Variants in RNF152 observed in about 807,000 individuals in gnomAD.
The protein encoded by RNF152 is E3 ubiquitin-protein ligase RNF152.
RNF152 carries 11 observed loss-of-function variants against 12.7 expected under a neutral mutation model. The ratio of observed to expected loss-of-function variants is 0.86; its 90% confidence interval spans 0.54 to 1.43. RNF152 has a LOEUF of 1.43. RNF152 is among the 40% of genes most tolerant of loss of function. The pLI is 0.00. For missense variants in RNF152, 255 were observed against 274.8 expected, an observed-to-expected ratio of 0.93 and a Z score of 0.51; for synonymous variants, 113 against 120.3, an observed-to-expected ratio of 0.94 and a Z score of 0.40.
At chr18:61,824,965 A>G (rs1328867977) in intron 1 of RNF152, among the ~76,000 whole-genome samples, 2 of 152,228 alleles carry the variant, frequency 1.3e-5, no homozygotes, top group Non-Finnish European at 2.9e-5. Context: ...GCAGGCAGGT[A>G]GAGCAAATAA....
intron 1 of RNF152, among the ~76,000 whole-genome samples, chr18:61,859,782 G>A (rs749798221): frequency 6.6e-6 from 1 of 152,126 alleles, no homozygotes; most frequent in Non-Finnish European, 1.5e-5. Flanking sequence ...AGGAGGCTGA[G>A]GCAGAAGAAT....
In RNF152 at chr18:61,810,134, A is replaced by C. The variant is rs1368571674; in HGVS notation, c.*5718T>G. 2 of 152,250 alleles carry C rather than the reference A, an allele frequency of 1.3e-5. No homozygotes were observed. The highest frequency in any genetic ancestry group is 3.2e-3 in the Middle Eastern group (1 of 316). 9.4% of individuals were successfully genotyped at this position (152,250 alleles called of 1,614,324 possible). A position where few individuals can be genotyped will look rare whatever the true frequency, so the allele number is the denominator to read the frequency against. The stretch of plus-strand genomic sequence containing the variant: ...TATATAGACACTCCCAAAGGTAGTT[A>C]GTTTGACATAATGTATGCAGCCCAT... On this transcript the variant is annotated 3_prime_UTR_variant, in exon 2 of 2. Transcript: ENST00000312828.
intron 1 of RNF152, among the ~76,000 whole-genome samples, chr18:61,864,507 C>T (rs1911640221): frequency 1.3e-5 from 2 of 152,160 alleles, no homozygotes; most frequent in South Asian, 2.1e-4. Flanking sequence ...AAGTGTTCAC[C>T]GACCAGAACC....
chr18:61,835,209 A>G (rs1568270616), intron 1 of RNF152, among the ~76,000 whole-genome samples: 1 of 152,244 alleles, frequency 6.6e-6, no homozygotes. Context: ...ACAAAATAGC[A>G]TATTTACAAG....
In RNF152 at chr18:61,809,943, G is replaced by T. The variant is rs1912890042; in HGVS notation, c.*5909C>A. 6.6e-6 allele frequency: 1 copy of T among 151,742 alleles called. No individual in the cohort carries two copies. Among genetic ancestry groups the T allele is most frequent in the Non-Finnish European group, 1.5e-5 (1 of 67,978 alleles). The allele number at this position is 151,742 out of a possible 1,614,324, so 9.4% of individuals were successfully genotyped here. ...TGGGAACCAAATTGCAGGGATTCGG[G>T]AATAATGGTGCACTCGCCCTAACCA... On this transcript the variant is annotated 3_prime_UTR_variant, in exon 2 of 2. Transcript: ENST00000312828.
intron 1 of RNF152, among the ~76,000 whole-genome samples, chr18:61,869,850 G>A (rs1911904257): frequency 1.3e-5 from 2 of 152,124 alleles, no homozygotes; most frequent in Non-Finnish European, 2.9e-5. Context: ...ATGCATCCAT[G>A]AACTTGGCAC....
Position 61,810,146 on chromosome 18 carries a change from T to C in RNF152, c.*5706A>G, listed in dbSNP as rs1029493255. On this transcript the variant is annotated 3_prime_UTR_variant, in exon 2 of 2. Coordinates refer to ENST00000312828, the MANE Select transcript of RNF152 (RefSeq NM_173557.3). ...CCCAAAGGTAGTTAGTTTGACATAA[T>C]GTATGCAGCCCATAGCAACAGTTAA... 7 of 152,360 alleles carry C rather than the reference T, an allele frequency of 4.6e-5. No homozygotes were observed. The highest frequency in any genetic ancestry group is 1.7e-4 in the African/African-American group (7 of 41,592). The allele number at this position is 152,360 out of a possible 1,614,324, so 9.4% of individuals were successfully genotyped here.
chr18:61,854,824 G>A lies in RNF152; in HGVS notation c.-136+37971C>T, dbSNP rs558205459. Among the ~76,000 whole-genome samples, 13 of 152,190 alleles carry A rather than the reference G, an allele frequency of 8.5e-5. 2 individuals are homozygous for A. The South Asian group carries it at 2.5e-3, about 29-fold the overall frequency. The stretch of plus-strand genomic sequence containing the variant: ...AAGCTCGCTGCCAAGCTTATATTTC[G>A]CCTATGTCTGTGTTCAACCTGACGT... On this transcript the variant is annotated intron_variant, in intron 1 of 1. Transcript: ENST00000312828.
intron 1 of RNF152, among the ~76,000 whole-genome samples, chr18:61,817,142 G>A (rs540560121): frequency 6.6e-6 from 1 of 152,286 alleles, no homozygotes; most frequent in East Asian, 1.9e-4. Flanking sequence ...TCTTCACAGA[G>A]AAGTAAAGTG....
chr18:61,827,942 T>A (rs892659608), intron 1 of RNF152, among the ~76,000 whole-genome samples: 4 of 152,224 alleles, frequency 2.6e-5, no homozygotes, highest in African/African-American at 9.6e-5. Flanking sequence ...ACACCATCCA[T>A]CATTAATCCA....
intron 1 of RNF152, among the ~76,000 whole-genome samples, chr18:61,841,377 C>T (rs1397039129): frequency 1.3e-5 from 2 of 152,212 alleles, no homozygotes; most frequent in Non-Finnish European, 2.9e-5. Context: ...ATAGTCCCTT[C>T]TCCATTAATA....
At chr18:61,818,688 C>A (rs1226336444) in intron 1 of RNF152, among the ~76,000 whole-genome samples, 1 of 152,170 alleles carries the variant, frequency 6.6e-6, no homozygotes, top group Non-Finnish European at 1.5e-5. Context: ...AAGCTAAATA[C>A]TGTAGGATAT....
chr18:61,841,523 C>G (rs930439009), intron 1 of RNF152, among the ~76,000 whole-genome samples: 1 of 152,154 alleles, frequency 6.6e-6, no homozygotes, highest in African/African-American at 2.4e-5. Context: ...ACCATCATTT[C>G]AGACATGAAC....
chr18:61,840,461 ATT>A (rs2144670075), intron 1 of RNF152, among the ~76,000 whole-genome samples: 1 of 152,230 alleles, frequency 6.6e-6, no homozygotes, highest in South Asian at 2.1e-4. Flanking sequence ...TGGGGTGGGT[ATT>A]CTGTCTCTAA....
Position 61,815,443 on chromosome 18 carries a change from G to A in RNF152, c.*409C>T, listed in dbSNP as rs142837580. 56 of 155,844 alleles carry A rather than the reference G, an allele frequency of 3.6e-4. No homozygotes were observed. In the East Asian group the frequency reaches 9.5e-3, roughly 27 times the overall value. The allele number at this position is 155,844 out of a possible 1,614,324, so 9.7% of individuals were successfully genotyped here. A position where few individuals can be genotyped will look rare whatever the true frequency, so the allele number is the denominator to read the frequency against. The stretch of plus-strand genomic sequence containing the variant: ...CTTCACTGAATTTTTACACGGATTC[G>A]CAGGTTTAATTCTACTTGTCTACAG... On this transcript the variant is annotated 3_prime_UTR_variant, in exon 2 of 2. Coordinates refer to ENST00000312828, the MANE Select transcript of RNF152 (RefSeq NM_173557.3).
chr18:61,880,029 G>T (rs1912393115), intron 1 of RNF152, among the ~76,000 whole-genome samples: 1 of 151,698 alleles, frequency 6.6e-6, no homozygotes, highest in African/African-American at 2.4e-5. Flanking sequence ...AAAATCCTAA[G>T]CTCCCAGACT....
chr18:61,868,663 T>C (rs144757927), intron 1 of RNF152, among the ~76,000 whole-genome samples: 1 of 152,022 alleles, frequency 6.6e-6, no homozygotes, highest in African/African-American at 2.4e-5. Context: ...AGATCACCCA[T>C]TGCACTCCTG....
intron 1 of RNF152, among the ~76,000 whole-genome samples, chr18:61,879,838 G>A (rs1050015694): frequency 6.6e-6 from 1 of 151,772 alleles, no homozygotes; most frequent in African/African-American, 2.4e-5. Context: ...GGTGGCGCAC[G>A]CCTGTAACCC....
chr18:61,880,394 G>T (rs1912406416), intron 1 of RNF152, among the ~76,000 whole-genome samples: 1 of 152,098 alleles, frequency 6.6e-6, no homozygotes, highest in South Asian at 2.1e-4. Context: ...TGGCTCACAG[G>T]CAGTTAAGAG....
Sources: gnomAD v4.1 joint callset for allele counts (sites outside exome capture counted in the v4.1 genomes callset) on GRCh38, gnomAD v4.1.1 for gene constraint, MANE v1.5 for transcripts, NCBI Gene and HGNC (gene_info 2026-07-23, HGNC 2026-07-21) for gene names.